Variants in DMTN observed in about 807,000 individuals in gnomAD.
DMTN encodes the protein dematin.
In DMTN, 27 loss-of-function variants were observed where a neutral mutation model predicts 59.4. The observed-to-expected ratio is 0.45, with a 90% confidence interval of 0.33 to 0.63. DMTN has a LOEUF of 0.63. DMTN is among the 20% of genes least tolerant of loss of function. The probability of loss-of-function intolerance (pLI) is 0.02; values close to 1 mark genes in which losing one functional copy is unlikely to be tolerated. For missense variants in DMTN, 451 were observed against 528.9 expected, an observed-to-expected ratio of 0.85 and a Z score of 1.45; for synonymous variants, 221 against 203.7, an observed-to-expected ratio of 1.08 and a Z score of -0.72.
rs1585938627 is a variant in DMTN, at chr8:22,069,434, C to G, written c.310C>G (p.Arg104Gly). The change falls in exon 6 of 16, where the codon CGG (arginine) becomes GGG (glycine). Residue 104 changes from arginine to glycine, a missense_variant. Arg to Gly is a moderately radical substitution (Grantham distance 125). Transcript: ENST00000358242. ...TGCTCTGCAGGTGTGGGCGGACAGCCGGTCGCCTGGAATCATCTCTCAGGC... is the reference window on the plus strand; with the variant it reads ...TGCTCTGCAGGTGTGGGCGGACAGCGGGTCGCCTGGAATCATCTCTCAGGC... ...PPSPEVWADS[R>G]SPGIISQASA... 1 of 1,612,978 alleles carries G rather than the reference C, an allele frequency of 6.2e-7. No individual in the cohort carries two copies. Among genetic ancestry groups the G allele is most frequent in the Admixed American group, 1.7e-5 (1 of 59,918 alleles).
intron 1 of DMTN, among the ~76,000 whole-genome samples, chr8:22,066,174 A>G (rs1810466832): frequency 6.6e-6 from 1 of 152,164 alleles, no homozygotes; most frequent in Admixed American, 6.5e-5. Flanking sequence ...AATTTTTTCC[A>G]TGAAACAAAG....
At chr8:22,080,938 T>G in intron 14 of DMTN, 68 bp downstream of exon 14, 1 of 1,513,576 alleles carries the variant, frequency 6.6e-7, no homozygotes, top group Non-Finnish European at 8.9e-7. Flanking sequence ...GCAAGTGGAA[T>G]GTGCTGCGGG....
intron 2 of DMTN, 22 bp from the exon 3 acceptor site, chr8:22,067,062 GC>G: frequency 1.1e-6 from 1 of 948,012 alleles, no homozygotes; most frequent in South Asian, 1.5e-5. Context: ...GTGCCCACCC[GC>G]CCGCCTTCTC....
Position 22,069,452 on chromosome 8 carries a change from T to C in DMTN, c.328T>C (p.Ser110Pro), listed in dbSNP as rs752574575. 1.2e-6 allele frequency: 2 copies of C among 1,613,144 alleles called. No homozygotes were observed. The highest frequency in any genetic ancestry group is 2.2e-5 in the South Asian group (2 of 91,008). ...WADSRSPGII[S>P]QASAPRTTGT... is the part of the protein sequence containing the mutation. ...GGACAGCCGGTCGCCTGGAATCATC[T>C]CTCAGGCCTCGGCCCCCAGAACCAC... The change falls in exon 6 of 16, where the codon TCT becomes CCT. Residue 110 changes from serine to proline, a missense_variant. Coordinates refer to ENST00000358242, the MANE Select transcript of DMTN (RefSeq NM_001387751.1).
At chr8:22,054,274 G>A (rs567772760), upstream of DMTN, among the ~76,000 whole-genome samples, 258 of 120,050 alleles carry the variant, frequency 2.1e-3, no homozygotes, top group African/African-American at 8.1e-3. Context: ...TGGCCCGCCC[G>A]CCCCACCCAT....
At chr8:22,062,148 T>C (rs1194838099) in intron 1 of DMTN, among the ~76,000 whole-genome samples, 1 of 151,842 alleles carries the variant, frequency 6.6e-6, no homozygotes, top group African/African-American at 2.4e-5. Flanking sequence ...AGTGCAGCAG[T>C]GACATGATCA....
chr8:22,081,093 GCCCC>G lies in DMTN; in HGVS notation c.1024-19_1024-16del. 6 of 1,572,830 alleles carry G rather than the reference GCCCC, an allele frequency of 3.8e-6. No individual in the cohort carries two copies. Among genetic ancestry groups the G allele is most frequent in the Non-Finnish European group, 4.4e-6 (5 of 1,144,740 alleles). ...CAGGATATTCTGTGAGCCTAAGATT[GCCCC>G]TCCCCCCACCCCCAGATCTATCCCT... On this transcript the variant is annotated splice_polypyrimidine_tract_variant and intron_variant, in intron 14 of 15. Coordinates refer to ENST00000358242, the MANE Select transcript of DMTN (RefSeq NM_001387751.1).
In DMTN at chr8:22,073,776, A is replaced by G. The variant is rs374256991; in HGVS notation, c.776A>G (p.Lys259Arg). The G allele has an allele frequency of 1.2e-6, 2 of 1,614,018 alleles. No individual in the cohort carries two copies. Among genetic ancestry groups the G allele is most frequent in the Non-Finnish European group, 1.7e-6 (2 of 1,180,022 alleles). Residue 259 changes from lysine to arginine, a missense_variant, in exon 10 of 16, where the codon AAG becomes AGG. Physicochemically the swap from Lys to Arg is conservative, Grantham distance 26. Transcript: ENST00000358242. ...ATGATCTTGAAAGAAGAGATGGAAAAGTCATTGCCGATCCGAAGGAAAACC... is the reference window on the plus strand; with the variant it reads ...ATGATCTTGAAAGAAGAGATGGAAAGGTCATTGCCGATCCGAAGGAAAACC... ...GKMILKEEME[K>R]SLPIRRKTRS...
intron 1 of DMTN, among the ~76,000 whole-genome samples, chr8:22,062,458 T>G (rs1807285810): frequency 6.6e-6 from 1 of 152,078 alleles, no homozygotes; most frequent in African/African-American, 2.4e-5. Context: ...GTGAACTTGA[T>G]CCCTTCCCTC....
rs758246724 is a variant in DMTN, at chr8:22,081,345, T to C, written c.1105-5T>C. ...ATGCTGAGCTGCCCCGATTCCCCCA[T>C]GTAGAGGCATCTGTCTGCCGAGGAC... On this transcript the variant is annotated splice_region_variant and splice_polypyrimidine_tract_variant and intron_variant, in intron 15 of 15. Coordinates refer to ENST00000358242, the MANE Select transcript of DMTN (RefSeq NM_001387751.1). 1.1e-5 allele frequency: 18 copies of C among 1,613,232 alleles called. No homozygotes were observed. In the Admixed American group the frequency reaches 1.2e-4, roughly 10 times the overall value.
At chr8:22,064,779 A>T (rs1809285968) in intron 1 of DMTN, among the ~76,000 whole-genome samples, 1 of 152,038 alleles carries the variant, frequency 6.6e-6, no homozygotes, top group Non-Finnish European at 1.5e-5. Context: ...TCTTTTGGAG[A>T]TGCCATGGTT....
At position 22,081,012 on chromosome 8, in the gene DMTN, GC is replaced by G; in HGVS notation, c.1024-100del. ...GTTGGGGGAGACAGAGGGCAAGATG[GC>G]ATGAACCCCAGTGGCCTCTGCAGGT... is the stretch of plus-strand genomic sequence containing the variant. On this transcript the variant is annotated intron_variant, in intron 14 of 15. Transcript: ENST00000358242. 2.0e-6 allele frequency: 3 copies of G among 1,478,092 alleles called. No individual in the cohort carries two copies. The South Asian group carries it at 3.6e-5, about 18-fold the overall frequency. 91.6% of individuals were successfully genotyped at this position (1,478,092 alleles called of 1,614,324 possible). A position where few individuals can be genotyped will look rare whatever the true frequency, so the allele number is the denominator to read the frequency against.
intron 10 of DMTN, among the ~76,000 whole-genome samples, chr8:22,074,269 G>GTTGA (rs1554555055): frequency 3.3e-5 from 5 of 151,056 alleles, no homozygotes; most frequent in African/African-American, 7.3e-5. Context: ...GTGGTTGTTT[G>GTTGA]TTGTTTGTTT....
intron 1 of DMTN, among the ~76,000 whole-genome samples, chr8:22,065,827 CTTTTTT>C (rs76626050): frequency 0.026 from 1,957 of 74,548 alleles, 162 homozygotes; most frequent in African/African-American, 0.083. Context: ...AGAGCAAGAC[CTTTTTT>C]TTTTTTTTTT....
chr8:22,071,518 G>A (rs982562618), intron 8 of DMTN, among the ~76,000 whole-genome samples: 21 of 150,258 alleles, frequency 1.4e-4, no homozygotes, highest in African/African-American at 2.5e-4. Context: ...TTTCAGCCTC[G>A]CAAGTAGCTA....
intron 1 of DMTN, among the ~76,000 whole-genome samples, chr8:22,059,682 A>G (rs1025638921): frequency 2.6e-4 from 40 of 152,182 alleles, no homozygotes; most frequent in Non-Finnish European, 4.4e-4. Flanking sequence ...AATGAGGAGA[A>G]TGTCGTTTTG....
chr8:22,076,008 G>A (rs547616886), intron 10 of DMTN, among the ~76,000 whole-genome samples: 9 of 152,286 alleles, frequency 5.9e-5, no homozygotes, highest in African/African-American at 1.9e-4. Flanking sequence ...AATTGAATCC[G>A]CTGGATCGAA....
chr8:22,074,591 G>A (rs1334814892), intron 10 of DMTN, among the ~76,000 whole-genome samples: 1 of 152,202 alleles, frequency 6.6e-6, no homozygotes, highest in Non-Finnish European at 1.5e-5. Context: ...GAGTCTTGAA[G>A]GCTGAGACCA....
At chr8:22,073,019 C>T (rs1816932373) in intron 9 of DMTN, among the ~76,000 whole-genome samples, 1 of 152,140 alleles carries the variant, frequency 6.6e-6, no homozygotes, top group Admixed American at 6.5e-5. Context: ...CTGAGTGATC[C>T]ATGGGAGGAG....
Sources: allele counts gnomAD v4.1 joint callset (sites outside exome capture counted in the v4.1 genomes callset), GRCh38; gene constraint gnomAD v4.1.1; transcripts MANE v1.5; gene names NCBI Gene and HGNC (gene_info 2026-07-23, HGNC 2026-07-21).